The following TMEM120B variants were observed in gnomAD, a reference collection of about 807,000 sequenced individuals.
The protein encoded by TMEM120B is transmembrane protein 120B.
In TMEM120B, 31 loss-of-function variants were observed where a neutral mutation model predicts 55.5. That is an observed-to-expected ratio of 0.56 (90% CI 0.42 to 0.75). TMEM120B has a LOEUF of 0.75. TMEM120B is among the 30% of genes least tolerant of loss of function. The pLI is 0.00. For synonymous variants in TMEM120B, 203 were observed against 176.3 expected (o/e 1.15, Z -1.20); for missense variants, 399 against 425.5 (o/e 0.94, Z 0.55).
At position 121,775,774 on chromosome 12, in the gene TMEM120B, G is replaced by C; in HGVS notation, c.*52G>C. 6.3e-7 allele frequency: 1 copy of C among 1,595,408 alleles called. No homozygotes were observed. Among genetic ancestry groups the C allele is most frequent in the South Asian group, 1.1e-5 (1 of 90,536 alleles). ...GGACTTCAGACTGCAGGGGGCTCCC[G>C]GGCTCCTTCCCAGCAGCCCTCTCAG... On this transcript the variant is annotated 3_prime_UTR_variant, in exon 12 of 12. Coordinates refer to ENST00000449592, the MANE Select transcript of TMEM120B (RefSeq NM_001080825.2). This position sits in a 1 kb window ranked among gnomAD's most constrained non-coding sequence, Gnocchi z 4.3.
intron 3 of TMEM120B, among the ~76,000 whole-genome samples, chr12:121,749,084 G>T (rs1162359605): frequency 1.3e-5 from 2 of 152,174 alleles, no homozygotes; most frequent in Non-Finnish European, 2.9e-5. Flanking sequence ...CTGTTTTCCG[G>T]ATCAGCCTCG....
intron 1 of TMEM120B, among the ~76,000 whole-genome samples, chr12:121,727,906 A>C (rs868738560): frequency 6.6e-6 from 1 of 151,528 alleles, no homozygotes; most frequent in South Asian, 2.1e-4. Flanking sequence ...ATTGGTAACA[A>C]TGAGTCCAAG....
At position 121,752,116 on chromosome 12, in the gene TMEM120B, C is replaced by G; in HGVS notation, c.366-12C>G. ...GTAAGGGGCACACCCCTGGGCGTGT[C>G]TGTCGTGGCAGGTTCGCCTACAAGG... On this transcript the variant is annotated splice_polypyrimidine_tract_variant and intron_variant, in intron 4 of 11. Coordinates refer to ENST00000449592, the MANE Select transcript of TMEM120B (RefSeq NM_001080825.2). 6.2e-7 allele frequency: 1 copy of G among 1,612,078 alleles called. No individual in the cohort carries two copies. The highest frequency in any genetic ancestry group is 1.3e-5 in the African/African-American group (1 of 75,028).
intron 2 of TMEM120B, among the ~76,000 whole-genome samples, chr12:121,747,213 C>T (rs1028942364): frequency 6.7e-6 from 1 of 150,172 alleles, no homozygotes; most frequent in African/African-American, 2.5e-5. Context: ...CCTCCAACCC[C>T]GAGAGTTGAG....
At position 121,779,036 on chromosome 12, in the gene TMEM120B, TG is replaced by T. The variant is rs551438703; in HGVS notation, c.*3319del. ...GCCCCCTCGGTGGCCTCCGTGTTCCTGGGGGAAGGAAGGAAGGAGCTGGAGG... is the reference window on the plus strand; with the variant it reads ...GCCCCCTCGGTGGCCTCCGTGTTCCTGGGGAAGGAAGGAAGGAGCTGGAGG... On this transcript the variant is annotated 3_prime_UTR_variant, in exon 12 of 12. Coordinates refer to ENST00000449592, the MANE Select transcript of TMEM120B (RefSeq NM_001080825.2). 3.0e-3 allele frequency: 479 copies of T among 161,942 alleles called. 3 individuals are homozygous for T. Among genetic ancestry groups the T allele is most frequent in the African/African-American group, 0.011 (462 of 41,740 alleles). 10.0% of individuals were successfully genotyped at this position (161,942 alleles called of 1,614,324 possible).
chr12:121,756,158 C>T (rs1034078238), intron 5 of TMEM120B, among the ~76,000 whole-genome samples: 9 of 152,086 alleles, frequency 5.9e-5, no homozygotes, highest in East Asian at 3.9e-4. Flanking sequence ...CTCCAGAGCC[C>T]GTGAATAAGT....
intron 1 of TMEM120B, among the ~76,000 whole-genome samples, chr12:121,731,291 G>A (rs763451531): frequency 1.3e-5 from 2 of 151,926 alleles, no homozygotes; most frequent in African/African-American, 2.4e-5. Context: ...TTGCTTTGTC[G>A]CCCAGGCTGG....
Position 121,779,546 on chromosome 12 carries a change from C to T in TMEM120B, c.*3824C>T, listed in dbSNP as rs139876840. On this transcript the variant is annotated 3_prime_UTR_variant, in exon 12 of 12. Coordinates refer to ENST00000449592, the MANE Select transcript of TMEM120B (RefSeq NM_001080825.2). ...GCTTCTTCTGCCGTTGCGCCTTCTTCAGAGCGCTGAGAGCCACCTTGGCGG... is the reference window on the plus strand; with the variant it reads ...GCTTCTTCTGCCGTTGCGCCTTCTTTAGAGCGCTGAGAGCCACCTTGGCGG... The T allele has an allele frequency of 3.3e-4, 540 of 1,613,298 alleles. 6 individuals carry two copies. The African/African-American group carries it at 6.8e-3, about 20-fold the overall frequency.
intron 5 of TMEM120B, chr12:121,759,125 T>TTTG: frequency 1.2e-6 from 1 of 867,226 alleles, no homozygotes; most frequent in East Asian, 1.2e-4. Flanking sequence ...GTCTACTGTT[T>TTTG]TTTTTTTTTT....
intron 1 of TMEM120B, among the ~76,000 whole-genome samples, chr12:121,726,043 A>C (rs1894883252): frequency 6.7e-6 from 1 of 149,972 alleles, no homozygotes; most frequent in Admixed American, 6.7e-5. Context: ...CTCAAAAAAA[A>C]AAAAACAAAA....
chr12:121,728,406 G>A (rs1453823945), intron 1 of TMEM120B, among the ~76,000 whole-genome samples: 4 of 151,586 alleles, frequency 2.6e-5, no homozygotes, highest in African/African-American at 7.3e-5. Flanking sequence ...GGAGAATGGC[G>A]TGAACTTGGG....
At chr12:121,724,453 C>T (rs1311576241) in intron 1 of TMEM120B, among the ~76,000 whole-genome samples, 1 of 151,948 alleles carries the variant, frequency 6.6e-6, no homozygotes, top group Non-Finnish European at 1.5e-5. Context: ...GCTGGGATTA[C>T]AGCTGTGAGC....
intron 1 of TMEM120B, among the ~76,000 whole-genome samples, chr12:121,735,185 C>CAAAAAA (rs377589219): frequency 1.5e-5 from 1 of 66,866 alleles, no homozygotes; most frequent in Non-Finnish European, 2.9e-5. Context: ...GACTCTGTCT[C>CAAAAAA]AAAAAAAAAA....
At chr12:121,742,559 A>G (rs1872962970) in intron 1 of TMEM120B, among the ~76,000 whole-genome samples, 1 of 152,102 alleles carries the variant, frequency 6.6e-6, no homozygotes, top group African/African-American at 2.4e-5. Flanking sequence ...ATGTGCTGCC[A>G]AAGTGAGCAG....
chr12:121,769,744 A>T (rs940710671), intron 6 of TMEM120B, among the ~76,000 whole-genome samples: 1 of 72,296 alleles, frequency 1.4e-5, no homozygotes, highest in African/African-American at 4.5e-5. Flanking sequence ...GTGTACATGC[A>T]TGCTTATTCA....
At chr12:121,772,379 C>CT (rs1156544098) in intron 8 of TMEM120B, among the ~76,000 whole-genome samples, 2 of 151,898 alleles carry the variant, frequency 1.3e-5, no homozygotes, top group East Asian at 3.9e-4. Context: ...GTCCACCCAC[C>CT]TCTGCCACCC....
At position 121,781,066 on chromosome 12, in the gene TMEM120B, C is replaced by T. The variant is rs1874436649; in HGVS notation, c.*5344C>T. On this transcript the variant is annotated 3_prime_UTR_variant, in exon 12 of 12. Coordinates refer to ENST00000449592, the MANE Select transcript of TMEM120B (RefSeq NM_001080825.2). ...CGGGCCCAGATGTGGGGCCACCACC[C>T]AGGAGGCCGGCCTCACCTTGATGAG... 1.9e-6 allele frequency: 3 copies of T among 1,613,994 alleles called. No homozygotes were observed. The highest frequency in any genetic ancestry group is 2.5e-6 in the Non-Finnish European group (3 of 1,179,900).
Position 121,781,279 on chromosome 12 carries a change from C to T in TMEM120B, c.*5557C>T. 1 of 1,240,596 alleles carries T rather than the reference C, an allele frequency of 8.1e-7. No individual in the cohort carries two copies. The highest frequency in any genetic ancestry group is 1.2e-6 in the Non-Finnish European group (1 of 864,278). 76.8% of individuals were successfully genotyped at this position (1,240,596 alleles called of 1,614,324 possible). A position where few individuals can be genotyped will look rare whatever the true frequency, so the allele number is the denominator to read the frequency against. On this transcript the variant is annotated 3_prime_UTR_variant, in exon 12 of 12. Coordinates refer to ENST00000449592, the MANE Select transcript of TMEM120B (RefSeq NM_001080825.2). The stretch of plus-strand genomic sequence containing the variant: ...GAAGGGGAAGGGGCCAGGCAAGTGA[C>T]CCTGCCTTAGGGCCTCAATTTCCTC...
At chr12:121,771,342 C>T (rs1874046094) in intron 7 of TMEM120B, 146 bp from the exon 8 acceptor site, 5 of 733,920 alleles carry the variant, frequency 6.8e-6, no homozygotes, top group South Asian at 3.4e-5. Context: ...CCTCGCCCAG[C>T]CCCAGGGATA....
Sources: allele counts gnomAD v4.1 joint callset (sites outside exome capture counted in the v4.1 genomes callset), GRCh38; gene constraint gnomAD v4.1.1; non-coding constraint Gnocchi (gnomAD v3.1); transcripts MANE v1.5; gene names NCBI Gene and HGNC (gene_info 2026-07-23, HGNC 2026-07-21).